The following NRXN3 variants were observed in gnomAD, a reference collection of about 807,000 sequenced individuals.
The protein encoded by NRXN3 is neurexin 3.
NRXN3 carries 32 observed loss-of-function variants against 137.6 expected under a neutral mutation model. That is an observed-to-expected ratio of 0.23 (90% CI 0.18 to 0.31). The LOEUF (loss-of-function observed/expected upper bound fraction) is 0.31, where lower values mean the gene tolerates loss of function less well. Among genes scored for constraint, NRXN3 ranks in the 10% least tolerant of loss-of-function variants. The probability of loss-of-function intolerance (pLI) is 1.00; values close to 1 mark genes in which losing one functional copy is unlikely to be tolerated. For missense variants in NRXN3, 1,574 were observed against 2,062.5 expected (o/e 0.76, Z 4.59); for synonymous variants, 798 against 784.5 (o/e 1.02, Z -0.29).
At chr14:79,316,729 CCT>C (rs35515937) in intron 15 of NRXN3, among the ~76,000 whole-genome samples, 78,730 of 137,694 alleles carry the variant, frequency 0.57, 22,177 homozygotes, top group Admixed American at 0.71. Flanking sequence ...CTGTCCTGTC[CCT>C]CTCTCTCTCT....
At chr14:78,372,027 A>G (rs1170086369) in intron 4 of NRXN3, among the ~76,000 whole-genome samples, 2 of 152,168 alleles carry the variant, frequency 1.3e-5, no homozygotes, top group African/African-American at 4.8e-5. Context: ...AATATTGTAC[A>G]CACAATGACA....
chr14:78,812,715 A>C (rs1348435284), intron 10 of NRXN3, among the ~76,000 whole-genome samples: 1 of 152,246 alleles, frequency 6.6e-6, no homozygotes, highest in Non-Finnish European at 1.5e-5. Context: ...ATGTCAGCAA[A>C]GTTATATTCC....
chr14:78,836,258 T>G (rs1303612940), intron 10 of NRXN3, among the ~76,000 whole-genome samples: 2 of 152,212 alleles, frequency 1.3e-5, no homozygotes, highest in Non-Finnish European at 2.9e-5. Flanking sequence ...TTCTATTATC[T>G]GCCATGATGG....
At chr14:78,866,045 G>C (rs977008910) in intron 10 of NRXN3, among the ~76,000 whole-genome samples, 23 of 152,130 alleles carry the variant, frequency 1.5e-4, no homozygotes, top group African/African-American at 5.6e-4. Flanking sequence ...GTTACCAAAA[G>C]ACTGAAACTA....
At chr14:78,645,033 C>A (rs1388796145) in intron 4 of NRXN3, 87 bp from the exon 5 acceptor site, 2 of 1,192,364 alleles carry the variant, frequency 1.7e-6, no homozygotes, top group African/African-American at 3.1e-5. Context: ...GGGGCAGTGC[C>A]CCTGCGGTGT....
intron 6 of NRXN3, among the ~76,000 whole-genome samples, chr14:78,658,164 T>C (rs998782474): frequency 1.3e-5 from 2 of 152,160 alleles, no homozygotes; most frequent in Non-Finnish European, 2.9e-5. Context: ...GTAGGGCTAG[T>C]AAAACCCAAG....
chr14:79,773,860 G>T (rs190635058), intron 19 of NRXN3, among the ~76,000 whole-genome samples: 3 of 150,528 alleles, frequency 2.0e-5, no homozygotes, highest in African/African-American at 7.3e-5. Flanking sequence ...AGGCAGACTG[G>T]ATCTGGAATC....
At chr14:78,794,899 A>T (rs2098816666) in intron 8 of NRXN3, among the ~76,000 whole-genome samples, 1 of 149,244 alleles carries the variant, frequency 6.7e-6, no homozygotes, top group South Asian at 2.1e-4. Context: ...ACATGGCAAA[A>T]CCCTGTCTTT....
At chr14:78,190,111 C>T (rs952221725) in intron 1 of NRXN3, among the ~76,000 whole-genome samples, 20 of 152,200 alleles carry the variant, frequency 1.3e-4, no homozygotes, top group African/African-American at 4.6e-4. Context: ...TCAGTGAACA[C>T]CTGCTGAATG....
chr14:79,689,131 T>A (rs1017945635), intron 17 of NRXN3, among the ~76,000 whole-genome samples: 2 of 152,112 alleles, frequency 1.3e-5, no homozygotes, highest in Non-Finnish European at 2.9e-5. Context: ...ATAGGGCCAT[T>A]CTTTCTTGAG....
intron 16 of NRXN3, among the ~76,000 whole-genome samples, chr14:79,611,222 G>A (rs1041902787): frequency 6.6e-6 from 1 of 152,200 alleles, no homozygotes; most frequent in Admixed American, 6.5e-5. Flanking sequence ...AAATATTATA[G>A]AAAATGCTTA....
intron 15 of NRXN3, among the ~76,000 whole-genome samples, chr14:79,399,332 A>T (rs1410632343): frequency 6.6e-6 from 1 of 152,174 alleles, no homozygotes; most frequent in Non-Finnish European, 1.5e-5. Flanking sequence ...TCCCCCAGAG[A>T]TATTCATGTT....
At chr14:79,609,940 G>T (rs1464540354) in intron 16 of NRXN3, among the ~76,000 whole-genome samples, 1 of 151,970 alleles carries the variant, frequency 6.6e-6, no homozygotes, top group Non-Finnish European at 1.5e-5. Flanking sequence ...ACACACTGGG[G>T]CCTGTCTGGG....
intron 15 of NRXN3, among the ~76,000 whole-genome samples, chr14:79,257,037 G>A (rs140043615): frequency 7.9e-5 from 12 of 152,200 alleles, no homozygotes; most frequent in Middle Eastern, 3.4e-3. Flanking sequence ...AATAATTTGG[G>A]TGATCCACCT....
At chr14:79,536,014 G>C (rs12884436) in intron 16 of NRXN3, among the ~76,000 whole-genome samples, 84,355 of 152,116 alleles carry the variant, frequency 0.55, 26,638 homozygotes, top group Non-Finnish European at 0.7. Flanking sequence ...GGTGACCCTT[G>C]TGCTCTCCAA....
chr14:78,903,266 A>C (rs1240571577), intron 10 of NRXN3, among the ~76,000 whole-genome samples: 1 of 149,134 alleles, frequency 6.7e-6, no homozygotes, highest in African/African-American at 2.5e-5. Flanking sequence ...CTCCCGCCTC[A>C]GTCTCCTGAG....
intron 4 of NRXN3, among the ~76,000 whole-genome samples, chr14:78,555,544 C>T (rs891419683): frequency 2.0e-5 from 3 of 152,210 alleles, no homozygotes; most frequent in African/African-American, 7.2e-5. Context: ...ACTGCATACA[C>T]CAAAGATGTG....
chr14:79,093,510 G>C (rs940076532), intron 15 of NRXN3, among the ~76,000 whole-genome samples: 2 of 152,190 alleles, frequency 1.3e-5, no homozygotes, highest in Admixed American at 1.3e-4. Context: ...TGCGGATGCT[G>C]GGGTGAGTGA....
At chr14:79,249,882 C>T (rs1431164929) in intron 15 of NRXN3, among the ~76,000 whole-genome samples, 1 of 152,134 alleles carries the variant, frequency 6.6e-6, no homozygotes, top group Non-Finnish European at 1.5e-5. Flanking sequence ...AAAAATGTTT[C>T]GTTGTTAAAT....
Sources: gnomAD v4.1 joint callset for allele counts (sites outside exome capture counted in the v4.1 genomes callset) on GRCh38, gnomAD v4.1.1 for gene constraint, MANE v1.5 for transcripts, NCBI Gene and HGNC (gene_info 2026-07-23, HGNC 2026-07-21) for gene names.